Variants in SLC25A26 observed in about 807,000 individuals in gnomAD.
SLC25A26 encodes solute carrier family 25 member 26, also known as mitochondrial S-adenosylmethionine carrier protein.
Under a neutral mutation model 37.8 loss-of-function variants are expected in SLC25A26, and 36 were observed. That is an observed-to-expected ratio of 0.95 (90% confidence interval 0.73 to 1.26). The LOEUF (loss-of-function observed/expected upper bound fraction) is 1.26. Ranked by LOEUF, SLC25A26 falls within the 50% of genes most tolerant of loss-of-function variation. The pLI is 0.00. For missense variants in SLC25A26, 390 were observed against 331.1 expected (o/e 1.18, Z -1.38); for synonymous variants, 129 against 122.5 (o/e 1.05, Z -0.35).
At chr3:66,210,187 G>A (rs1252180080) in intron 1 of SLC25A26, among the ~76,000 whole-genome samples, 1 of 151,114 alleles carries the variant, frequency 6.6e-6, no homozygotes, top group African/African-American at 2.4e-5. Flanking sequence ...GTATTCGGTG[G>A]CAAACTTGAT....
intron 5 of SLC25A26, among the ~76,000 whole-genome samples, chr3:66,346,159 A>G (rs558420692): frequency 1.3e-5 from 2 of 152,314 alleles, no homozygotes; most frequent in Admixed American, 1.3e-4. Context: ...TGAGTGACAG[A>G]GCGAGACTTC....
At chr3:66,261,803 C>G (rs73129910) in intron 3 of SLC25A26, among the ~76,000 whole-genome samples, 44 of 151,904 alleles carry the variant, frequency 2.9e-4, no homozygotes, top group Non-Finnish European at 6.0e-4. Context: ...GACAGATGTT[C>G]TTGGAACATC....
At chr3:66,139,516 G>A (rs1177043078) in intron 1 of SLC25A26, among the ~76,000 whole-genome samples, 1 of 152,168 alleles carries the variant, frequency 6.6e-6, no homozygotes, top group African/African-American at 2.4e-5. Context: ...ATCATCTGAA[G>A]CAGCACACAT....
At chr3:66,199,352 C>G (rs1407562827) in intron 1 of SLC25A26, among the ~76,000 whole-genome samples, 2 of 151,908 alleles carry the variant, frequency 1.3e-5, no homozygotes, top group African/African-American at 2.4e-5. Context: ...GACTCTCACC[C>G]CTACCCTTCC....
chr3:66,363,028 T>A (rs1023344710), intron 7 of SLC25A26, 99 bp downstream of exon 7: 3 of 678,780 alleles, frequency 4.4e-6, no homozygotes, highest in Non-Finnish European at 6.9e-6. Flanking sequence ...TTCCAGGTTG[T>A]TTAGATGAAG....
At chr3:66,147,115 TCCCCTCCCC>T (rs2070129501) in intron 1 of SLC25A26, among the ~76,000 whole-genome samples, 1 of 39,084 alleles carries the variant, frequency 2.6e-5, no homozygotes. Context: ...TCCCCTCCCC[TCCCCTCCCC>T]TCCCTTCCCC....
At chr3:66,307,214 G>A (rs538574335) in intron 5 of SLC25A26, among the ~76,000 whole-genome samples, 6 of 152,184 alleles carry the variant, frequency 3.9e-5, no homozygotes, top group Non-Finnish European at 8.8e-5. Context: ...GAGTGAGATG[G>A]TATCTCATTG....
chr3:66,157,643 CCAGGTGACT>C (rs1281416361), intron 1 of SLC25A26, among the ~76,000 whole-genome samples: 1 of 152,138 alleles, frequency 6.6e-6, no homozygotes, highest in Non-Finnish European at 1.5e-5. Flanking sequence ...ATGCCTTTTT[CCAGGTGACT>C]CTGAGCCCTA....
chr3:66,182,259 G>C (rs979563202), intron 1 of SLC25A26, among the ~76,000 whole-genome samples: 7 of 152,096 alleles, frequency 4.6e-5, no homozygotes, highest in African/African-American at 1.7e-4. Flanking sequence ...TGAGTGGTAG[G>C]GCGCGGTGTT....
intron 9 of SLC25A26, among the ~76,000 whole-genome samples, chr3:66,371,771 G>T (rs760812506): frequency 1.3e-5 from 2 of 152,130 alleles, no homozygotes; most frequent in African/African-American, 2.4e-5. Flanking sequence ...GAGAAAAAAT[G>T]AGTCCTGAAG....
At chr3:66,309,304 G>T (rs2075311144) in intron 5 of SLC25A26, among the ~76,000 whole-genome samples, 2 of 152,074 alleles carry the variant, frequency 1.3e-5, no homozygotes, top group African/African-American at 2.4e-5. Flanking sequence ...TTGCATAGAG[G>T]TGTTTATAGT....
At chr3:66,331,367 T>C (rs943645561) in intron 5 of SLC25A26, among the ~76,000 whole-genome samples, 12 of 152,332 alleles carry the variant, frequency 7.9e-5, no homozygotes, top group African/African-American at 1.7e-4. Flanking sequence ...GTTTGTGATA[T>C]ACTGTTTTCA....
chr3:66,243,361 C>A, intron 3 of SLC25A26, 49 bp downstream of exon 3: 2 of 868,204 alleles, frequency 2.3e-6, no homozygotes, highest in Middle Eastern at 2.5e-4. Context: ...GCACATCATG[C>A]ATATATTTTC....
At chr3:66,305,775 G>A (rs1399438663) in intron 5 of SLC25A26, among the ~76,000 whole-genome samples, 1 of 152,124 alleles carries the variant, frequency 6.6e-6, no homozygotes, top group Non-Finnish European at 1.5e-5. Flanking sequence ...ATGTGCGTGT[G>A]TCTTTGTAAT....
chr3:66,300,251 G>GTTTTTTTTTTTTTTTTT (rs1309490705), intron 5 of SLC25A26, among the ~76,000 whole-genome samples: 19 of 111,608 alleles, frequency 1.7e-4, no homozygotes, highest in Non-Finnish European at 2.7e-4. Context: ...GGGTTTTTTT[G>GTTTTTTTTTTTTTTTTT]TTTTGTTTTT....
At chr3:66,363,075 T>C (rs1210644427) in intron 7 of SLC25A26, 146 bp downstream of exon 7, 1 of 394,218 alleles carries the variant, frequency 2.5e-6, no homozygotes, top group East Asian at 3.8e-5. Context: ...GAACGTGTCT[T>C]AGAGGGGAAA....
chr3:66,371,139 A>G, intron 9 of SLC25A26: 1 of 1,428,236 alleles, frequency 7.0e-7, no homozygotes, highest in Non-Finnish European at 9.2e-7. Context: ...GACACCATAA[A>G]CTTGTGAAGC....
intron 5 of SLC25A26, among the ~76,000 whole-genome samples, chr3:66,278,358 T>A (rs2074226449): frequency 6.6e-6 from 1 of 152,144 alleles, no homozygotes; most frequent in Non-Finnish European, 1.5e-5. Context: ...ACCCAAATAA[T>A]GTAGAAGGAC....
chr3:66,371,694 G>C (rs1338097661), intron 9 of SLC25A26, among the ~76,000 whole-genome samples: 9 of 152,142 alleles, frequency 5.9e-5, no homozygotes, highest in Admixed American at 5.9e-4. Context: ...GCCATATCGT[G>C]AGGGGTGCTT....
Sources: gnomAD v4.1 joint callset for allele counts (sites outside exome capture counted in the v4.1 genomes callset) on GRCh38, gnomAD v4.1.1 for gene constraint, MANE v1.5 for transcripts, NCBI Gene and HGNC (gene_info 2026-07-23, HGNC 2026-07-21) for gene names.